LDB2: variants seen among roughly 807,000 people sequenced by gnomAD.
LDB2 encodes the protein LIM domain binding 2, also known as LIM domain-binding protein 2.
In LDB2, 12 loss-of-function variants were observed where a neutral mutation model predicts 44.3. That is an observed-to-expected ratio of 0.27 (90% CI 0.17 to 0.44). The LOEUF (loss-of-function observed/expected upper bound fraction) is 0.44. Among genes scored for constraint, LDB2 ranks in the 20% least tolerant of loss-of-function variants. LDB2 has a pLI of 1.00. For synonymous variants in LDB2, 164 were observed against 174.8 expected (o/e 0.94, Z 0.49); for missense variants, 344 against 473.5 (o/e 0.73, Z 2.54).
chr4:16,818,470 T>A (rs949389420), intron 1 of LDB2, among the ~76,000 whole-genome samples: 6 of 152,244 alleles, frequency 3.9e-5, no homozygotes, highest in Non-Finnish European at 8.8e-5. Context: ...GTTAACATTC[T>A]GGCAATTGAG....
intron 1 of LDB2, among the ~76,000 whole-genome samples, chr4:16,894,908 A>G (rs937544856): frequency 1.3e-5 from 2 of 152,056 alleles, no homozygotes; most frequent in Non-Finnish European, 2.9e-5. Context: ...CAATTATTTT[A>G]TTATTGGATG....
rs544811215 is a variant in LDB2, at chr4:16,778,140, C to T, written c.133-18880G>A. On this transcript the variant is annotated intron_variant, in intron 1 of 7. Transcript: ENST00000304523. ...CACACATATTTGATCTGAAAACTGA[C>T]GGCAAAGAGGCCTTCTCCATGCATG... 1.1e-4 allele frequency among the ~76,000 whole-genome samples: 17 copies of T among 152,252 alleles called. No individual in the cohort carries two copies. In the East Asian group the frequency reaches 1.2e-3, roughly 10 times the overall value.
chr4:16,609,152 G>T (rs1578180345), intron 2 of LDB2, among the ~76,000 whole-genome samples: 1 of 152,212 alleles, frequency 6.6e-6, no homozygotes, highest in South Asian at 2.1e-4. Flanking sequence ...CAGGGAAGGG[G>T]AACCACCTCC....
At chr4:16,524,028 A>T (rs927968508) in intron 5 of LDB2, among the ~76,000 whole-genome samples, 1 of 152,194 alleles carries the variant, frequency 6.6e-6, no homozygotes, top group Non-Finnish European at 1.5e-5. Context: ...TTTATCTTTC[A>T]AGTTACCAAG....
intron 1 of LDB2, among the ~76,000 whole-genome samples, chr4:16,884,217 A>G (rs1055400906): frequency 6.6e-6 from 1 of 152,168 alleles, no homozygotes; most frequent in Non-Finnish European, 1.5e-5. Context: ...AATCCGTACT[A>G]TGTACCAGGT....
chr4:16,845,246 C>T (rs1353848194), intron 1 of LDB2, among the ~76,000 whole-genome samples: 1 of 152,184 alleles, frequency 6.6e-6, no homozygotes, highest in Admixed American at 6.5e-5. Flanking sequence ...CAAATTTATA[C>T]ATTAAGCCTC....
At chr4:16,863,795 C>T (rs982170453) in intron 1 of LDB2, among the ~76,000 whole-genome samples, 11 of 151,470 alleles carry the variant, frequency 7.3e-5, no homozygotes, top group African/African-American at 2.7e-4. Context: ...CGAGTAGCTG[C>T]GATTACAGGC....
intron 7 of LDB2, chr4:16,503,246 C>A: frequency 9.4e-7 from 1 of 1,063,838 alleles, no homozygotes; most frequent in South Asian, 1.5e-5. Flanking sequence ...CTTCTCAATA[C>A]CTCCAAAAAT....
intron 5 of LDB2, among the ~76,000 whole-genome samples, chr4:16,514,153 A>C (rs1722806464): frequency 6.6e-6 from 1 of 152,156 alleles, no homozygotes; most frequent in South Asian, 2.1e-4. Context: ...TGCATTCCTC[A>C]TTGAGCCTAA....
intron 5 of LDB2, among the ~76,000 whole-genome samples, chr4:16,527,028 A>C (rs1728484806): frequency 6.6e-6 from 1 of 152,246 alleles, no homozygotes; most frequent in African/African-American, 2.4e-5. Flanking sequence ...GATAATAAAC[A>C]ATAACTTATT....
chr4:16,515,805 A>G (rs113148918), intron 5 of LDB2, among the ~76,000 whole-genome samples: 1,655 of 152,244 alleles, frequency 0.011, 25 homozygotes, highest in African/African-American at 0.036. Flanking sequence ...ACATGGATTT[A>G]CAAGCTAAGA....
At chr4:16,580,429 A>G (rs1211193035) in intron 5 of LDB2, among the ~76,000 whole-genome samples, 1 of 152,222 alleles carries the variant, frequency 6.6e-6, no homozygotes, top group Non-Finnish European at 1.5e-5. Context: ...AAAATTCTGG[A>G]ATGACCTGAA....
At chr4:16,814,553 T>G (rs1023013338) in intron 1 of LDB2, among the ~76,000 whole-genome samples, 9 of 152,196 alleles carry the variant, frequency 5.9e-5, no homozygotes, top group Non-Finnish European at 1.2e-4. Flanking sequence ...AATCCTCCAA[T>G]AATTTATGTT....
chr4:16,649,838 C>G (rs888594477), intron 2 of LDB2, among the ~76,000 whole-genome samples: 2 of 152,160 alleles, frequency 1.3e-5, no homozygotes, highest in African/African-American at 4.8e-5. Flanking sequence ...TATTAAAGTT[C>G]CTCTGAAGTC....
intron 1 of LDB2, among the ~76,000 whole-genome samples, chr4:16,791,035 T>C (rs1775589379): frequency 6.6e-6 from 1 of 152,046 alleles, no homozygotes; most frequent in South Asian, 2.1e-4. Context: ...GCTCAGAAAA[T>C]CTACTTACAT....
chr4:16,795,076 G>C (rs976257572), intron 1 of LDB2, among the ~76,000 whole-genome samples: 2 of 152,190 alleles, frequency 1.3e-5, no homozygotes, highest in Non-Finnish European at 2.9e-5. Context: ...CTTGAAAATA[G>C]GATCTCGATG....
chr4:16,508,757 C>T, intron 6 of LDB2, 71 bp from the exon 7 acceptor site: 10 of 1,445,268 alleles, frequency 6.9e-6, no homozygotes, highest in Non-Finnish European at 8.4e-6. Context: ...AGTATGGTTA[C>T]TCTAAGGAAG....
chr4:16,878,675 T>G (rs937535082), intron 1 of LDB2, among the ~76,000 whole-genome samples: 1 of 152,202 alleles, frequency 6.6e-6, no homozygotes, highest in Non-Finnish European at 1.5e-5. Flanking sequence ...TCAAACACGG[T>G]CTGACCCCAA....
In LDB2 at chr4:16,850,549, A is replaced by G. The variant is rs113146450; in HGVS notation, c.132+47805T>C. Among the ~76,000 whole-genome samples the G allele has an allele frequency of 2.2e-4, 34 of 152,296 alleles. 2 individuals carry two copies. The highest frequency in any genetic ancestry group is 7.9e-4 in the African/African-American group (33 of 41,552). ...AACACAAGGATGTCAGGTTTCCCAC[A>G]TTGTAGAAATTTGAACAGTCTAAGA... On this transcript the variant is annotated intron_variant, in intron 1 of 7. Coordinates refer to ENST00000304523, the MANE Select transcript of LDB2 (RefSeq NM_001290.5).
Sources: allele counts gnomAD v4.1 joint callset (sites outside exome capture counted in the v4.1 genomes callset), GRCh38; gene constraint gnomAD v4.1.1; transcripts MANE v1.5; gene names NCBI Gene and HGNC (gene_info 2026-07-23, HGNC 2026-07-21).